Variants in AKT3 observed in about 807,000 individuals in gnomAD.
AKT3 encodes AKT serine/threonine kinase 3.
In AKT3, 15 loss-of-function variants were observed where a neutral mutation model predicts 65.3. The ratio of observed to expected loss-of-function variants is 0.23; its 90% CI spans 0.15 to 0.35. The LOEUF is 0.35. Among genes scored for constraint, AKT3 ranks in the 10% least tolerant of loss-of-function variants. The pLI is 1.00. For synonymous variants in AKT3, 206 were observed against 183.8 expected, an observed-to-expected ratio of 1.12 and a Z score of -0.98; for missense variants, 243 against 576.5, an observed-to-expected ratio of 0.42 and a Z score of 5.92.
At chr1:243,746,738 G>C (rs1018258001) in intron 2 of AKT3, among the ~76,000 whole-genome samples, 3 of 152,190 alleles carry the variant, frequency 2.0e-5, no homozygotes, top group Non-Finnish European at 4.4e-5. Context: ...TAGAGACAGA[G>C]AGAGAACGAA....
intron 2 of AKT3, among the ~76,000 whole-genome samples, chr1:243,721,073 A>C (rs1318430589): frequency 6.6e-6 from 1 of 152,104 alleles, no homozygotes; most frequent in Non-Finnish European, 1.5e-5. Context: ...TACAGACACC[A>C]GAATTCCTCC....
chr1:243,489,252 A>G, intron 13 of AKT3: 3 of 1,406,002 alleles, frequency 2.1e-6, no homozygotes, highest in Non-Finnish European at 1.9e-6. Flanking sequence ...GTTAGCAGTA[A>G]GCTGGGAGGG....
intron 13 of AKT3, among the ~76,000 whole-genome samples, chr1:243,507,116 G>C (rs1406042530): frequency 6.6e-6 from 1 of 152,214 alleles, no homozygotes; most frequent in African/African-American, 2.4e-5. Flanking sequence ...GCTGGCTCTG[G>C]ACAGCAGTGG....
rs181474064 is a variant in AKT3, at chr1:243,633,410, T to C, written c.561+4201A>G. On this transcript the variant is annotated intron_variant, in intron 6 of 13. Coordinates refer to ENST00000673466, the MANE Select transcript of AKT3 (RefSeq NM_005465.7). Reference sequence around the variant, plus strand: ...GTAATACCACTTTTTGCTTTCTACATGATTAAAGAGACTCATACATTAAAA... The same window carrying C: ...GTAATACCACTTTTTGCTTTCTACACGATTAAAGAGACTCATACATTAAAA... Among the ~76,000 whole-genome samples, 5 of 152,252 alleles carry C rather than the reference T, an allele frequency of 3.3e-5. No individual in the cohort carries two copies. The East Asian group carries it at 9.6e-4, about 29-fold the overall frequency.
intron 2 of AKT3, among the ~76,000 whole-genome samples, chr1:243,784,487 ATT>A (rs979075289): frequency 1.3e-5 from 2 of 152,176 alleles, no homozygotes; most frequent in African/African-American, 2.4e-5. Flanking sequence ...TTGAATATTT[ATT>A]CAGAATAAGA....
At chr1:243,759,550 GAAAA>G (rs201086316) in intron 2 of AKT3, among the ~76,000 whole-genome samples, 1 of 145,426 alleles carries the variant, frequency 6.9e-6, no homozygotes, top group African/African-American at 2.5e-5. Flanking sequence ...GAATTAAAAA[GAAAA>G]AAAAAATAAA....
intron 3 of AKT3, among the ~76,000 whole-genome samples, chr1:243,671,079 T>C (rs1030932150): frequency 7.4e-5 from 9 of 121,818 alleles, no homozygotes; most frequent in Non-Finnish European, 1.3e-4. Context: ...AATAGATTCC[T>C]TTTTTTTTTT....
chr1:243,730,286 G>C (rs59723631), intron 2 of AKT3, among the ~76,000 whole-genome samples: 2 of 152,134 alleles, frequency 1.3e-5, no homozygotes, highest in African/African-American at 4.8e-5. Flanking sequence ...GGAGCTGCCC[G>C]CTTTGGGTCT....
intron 6 of AKT3, among the ~76,000 whole-genome samples, chr1:243,618,409 C>A (rs754793553): frequency 2.0e-5 from 3 of 151,966 alleles, no homozygotes; most frequent in Non-Finnish European, 4.4e-5. Context: ...ATAAGGTATG[C>A]GCAAGCTAAA....
At chr1:243,676,640 A>C (rs1326249865) in intron 3 of AKT3, among the ~76,000 whole-genome samples, 1 of 152,152 alleles carries the variant, frequency 6.6e-6, no homozygotes, top group Admixed American at 6.6e-5. Context: ...ATACCAGTAC[A>C]GTTTTTCTAT....
At chr1:243,850,842 C>G (rs1377241603), upstream of AKT3, among the ~76,000 whole-genome samples, 1 of 152,048 alleles carries the variant, frequency 6.6e-6, no homozygotes, top group African/African-American at 2.4e-5. Context: ...CAGTCGCTCC[C>G]GGGCGGGAAG....
chr1:243,512,339 T>G lies in AKT3; in HGVS notation c.1339A>C (p.Thr447Pro). Reference sequence around the variant, plus strand: ...ATTTACTTACATTTTTCAGGTGGTGTTATTGTAATAGTCTGAGCTGTAAAT... The same window carrying G: ...ATTTACTTACATTTTTCAGGTGGTGGTATTGTAATAGTCTGAGCTGTAAAT... ...EEFTAQTITI[T>P]PPEKYDEDGM... The change falls in exon 13 of 14, where the codon ACA becomes CCA. Residue 447 changes from threonine to proline, a missense_variant. Thr to Pro is a conservative substitution (Grantham distance 38). This residue lies in a region of AKT3 where 57 missense variants were observed against 107.6 expected (regional missense o/e 0.53). Coordinates refer to ENST00000673466, the MANE Select transcript of AKT3 (RefSeq NM_005465.7). 6.6e-7 allele frequency: 1 copy of G among 1,517,412 alleles called. No homozygotes were observed. The highest frequency in any genetic ancestry group is 9.0e-7 in the Non-Finnish European group (1 of 1,115,798). 94.0% of individuals were successfully genotyped at this position (1,517,412 alleles called of 1,614,324 possible).
intron 6 of AKT3, among the ~76,000 whole-genome samples, chr1:243,632,561 C>G (rs180956623): frequency 2.0e-5 from 3 of 152,228 alleles, no homozygotes; most frequent in Non-Finnish European, 4.4e-5. Flanking sequence ...GGTAAAGGAG[C>G]AATGGCTTCA....
At chr1:243,514,201 C>T (rs183476288) in intron 12 of AKT3, among the ~76,000 whole-genome samples, 2 of 152,248 alleles carry the variant, frequency 1.3e-5, no homozygotes, top group Admixed American at 6.5e-5. Flanking sequence ...CTCTTGGGCA[C>T]TAGGAGTAGG....
At chr1:243,849,491 A>AC (rs1300279036) in intron 1 of AKT3, among the ~76,000 whole-genome samples, 2 of 133,030 alleles carry the variant, frequency 1.5e-5, no homozygotes, top group African/African-American at 5.5e-5. Flanking sequence ...CCTCGCCTTC[A>AC]CCCCACCCCA....
At chr1:243,827,522 T>G (rs1192908443) in intron 2 of AKT3, among the ~76,000 whole-genome samples, 1 of 152,152 alleles carries the variant, frequency 6.6e-6, no homozygotes, top group Non-Finnish European at 1.5e-5. Context: ...AAGCCTCTAT[T>G]TCTTGACCCA....
At chr1:243,745,902 TGAGC>T (rs1688447994) in intron 2 of AKT3, among the ~76,000 whole-genome samples, 1 of 152,212 alleles carries the variant, frequency 6.6e-6, no homozygotes, top group African/African-American at 2.4e-5. Context: ...TTATATAAAG[TGAGC>T]ATCTGCAGTA....
At chr1:243,845,519 C>CCTGAG (rs1695477548) in intron 1 of AKT3, among the ~76,000 whole-genome samples, 1 of 94,156 alleles carries the variant, frequency 1.1e-5, no homozygotes, top group Non-Finnish European at 2.2e-5. Flanking sequence ...GGGAGGATCA[C>CCTGAG]CTGAGCCCAG....
At chr1:243,850,723 G>A (rs1035996536), upstream of AKT3, among the ~76,000 whole-genome samples, 5 of 151,606 alleles carry the variant, frequency 3.3e-5, no homozygotes, top group East Asian at 9.8e-4. Flanking sequence ...TCCCCTCCCT[G>A]CCCGGCCCTC....
Sources: allele counts gnomAD v4.1 joint callset (sites outside exome capture counted in the v4.1 genomes callset), GRCh38; gene constraint gnomAD v4.1.1; regional missense constraint gnomAD v4.1.1; transcripts MANE v1.5; gene names NCBI Gene and HGNC (gene_info 2026-07-23, HGNC 2026-07-21).